Variants in EML6 observed in about 807,000 individuals in gnomAD.
EML6 encodes the protein EMAP like 6, also known as echinoderm microtubule-associated protein-like 6.
Under a neutral mutation model 240.1 loss-of-function variants are expected in EML6, and 154 were observed. That is an observed-to-expected ratio of 0.64 (90% CI 0.56 to 0.73). The LOEUF (loss-of-function observed/expected upper bound fraction) is 0.73. Ranked by LOEUF, EML6 falls within the 30% of genes least tolerant of loss-of-function variation. The pLI, the probability that EML6 is intolerant of heterozygous loss-of-function variation, is 0.00. For missense variants in EML6, 2,964 were observed against 2,474.6 expected (o/e 1.20, Z -4.20); for synonymous variants, 1,148 against 899.0 (o/e 1.28, Z -4.95).
chr2:54,948,193 C>G (rs1018154811), intron 28 of EML6, among the ~76,000 whole-genome samples: 3 of 152,204 alleles, frequency 2.0e-5, no homozygotes, highest in African/African-American at 7.2e-5. Flanking sequence ...ATTATAAAAT[C>G]TCTTCATTAA....
At chr2:54,763,625 A>T (rs1223610213) in intron 2 of EML6, among the ~76,000 whole-genome samples, 4 of 152,214 alleles carry the variant, frequency 2.6e-5, no homozygotes, top group Non-Finnish European at 5.9e-5. Context: ...TAGAGATATT[A>T]CTGTCTGTTC....
intron 26 of EML6, among the ~76,000 whole-genome samples, chr2:54,920,938 G>A (rs897116725): frequency 6.6e-6 from 1 of 151,960 alleles, no homozygotes; most frequent in Admixed American, 6.6e-5. Flanking sequence ...TGTGAGAAAA[G>A]GATGGACAAA....
intron 15 of EML6, among the ~76,000 whole-genome samples, chr2:54,870,993 C>A (rs994603245): frequency 6.6e-6 from 1 of 152,136 alleles, no homozygotes; most frequent in Non-Finnish European, 1.5e-5. Context: ...AAGCTTGTAT[C>A]CCTGCAAAGA....
chr2:54,867,177 C>G (rs1671016971), intron 14 of EML6: 1 of 216,924 alleles, frequency 4.6e-6, no homozygotes, highest in South Asian at 1.5e-4. Context: ...GCACTTCTTT[C>G]TCATCACCAT....
chr2:54,813,116 ACTCTTT>A lies in EML6; in HGVS notation c.198-110_198-105del, dbSNP rs1667931693. On this transcript the variant is annotated intron_variant, in intron 2 of 41. Transcript: ENST00000356458. Reference sequence around the variant, plus strand: ...ATTAATTACTTTGGGGACAGTTCAGACTCTTTCTCTTGAGATCACCTTGTTAGATAA... The same window carrying A: ...ATTAATTACTTTGGGGACAGTTCAGACTCTTGAGATCACCTTGTTAGATAA... The A allele has an allele frequency of 5.4e-6, 4 of 734,462 alleles. No homozygotes were observed. The South Asian group carries it at 5.9e-5, about 11-fold the overall frequency. 45.5% of individuals were successfully genotyped at this position (734,462 alleles called of 1,614,324 possible). A position where few individuals can be genotyped will look rare whatever the true frequency, so the allele number is the denominator to read the frequency against.
At position 54,910,983 on chromosome 2, in the gene EML6, A is replaced by G. The variant is rs1222769519; in HGVS notation, c.3439A>G (p.Arg1147Gly). ...ATTATTGCAAGTGAATTCAGGTGCC[A>G]GAGAACAACTTTTTTTTGAAGCTCC... The part of the protein sequence containing the change: ...GKLLQVNSGA[R>G]EQLFFEAPRG... The change falls in exon 25 of 42, where the codon AGA becomes GGA. Residue 1147 changes from arginine to glycine, a missense_variant. Physicochemically the swap from Arg to Gly is moderately radical, Grantham distance 125 (BLOSUM62 -2). Transcript: ENST00000356458. 4 of 1,538,034 alleles carry G rather than the reference A, an allele frequency of 2.6e-6. No homozygotes were observed. The highest frequency in any genetic ancestry group is 3.5e-6 in the Non-Finnish European group (4 of 1,137,204).
At position 54,960,320 on chromosome 2, in the gene EML6, G is replaced by C. The variant is rs1195694048; in HGVS notation, c.4954G>C (p.Val1652Leu). 2.6e-6 allele frequency: 4 copies of C among 1,549,558 alleles called. No homozygotes were observed. The highest frequency in any genetic ancestry group is 1.7e-6 in the Non-Finnish European group (2 of 1,146,250). Reference sequence around the variant, plus strand: ...GCAGCTGGTGGAGTGTGTGCGCTCCGTGTGCCGTGGAAAAGTGAGCACAGC... The same window carrying C: ...GCAGCTGGTGGAGTGTGTGCGCTCCCTGTGCCGTGGAAAAGTGAGCACAGC... ...TGQLVECVRSVCRGKGKILVG... is the reference protein window; with the variant it reads ...TGQLVECVRSLCRGKGKILVG... Residue 1652 changes from valine (V) to leucine (L), a missense_variant, in exon 35 of 42, where the codon GTG becomes CTG. By Grantham distance (32) the Val-to-Leu change is conservative. Transcript: ENST00000356458.
intron 36 of EML6, among the ~76,000 whole-genome samples, chr2:54,963,423 C>G (rs1344791010): frequency 2.6e-5 from 4 of 152,228 alleles, no homozygotes; most frequent in Non-Finnish European, 5.9e-5. Flanking sequence ...TCAGTGCCTA[C>G]AATAACCTTG....
At chr2:54,836,826 G>A (rs1669175504) in intron 7 of EML6, among the ~76,000 whole-genome samples, 1 of 152,192 alleles carries the variant, frequency 6.6e-6, no homozygotes, top group Non-Finnish European at 1.5e-5. Flanking sequence ...AATCATTGGT[G>A]TTTATGAATC....
At chr2:54,923,834 A>T (rs529270307) in intron 26 of EML6, among the ~76,000 whole-genome samples, 1 of 152,128 alleles carries the variant, frequency 6.6e-6, no homozygotes, top group African/African-American at 2.4e-5. Context: ...AACTGTTCCA[A>T]TGTTTTTCAC....
intron 3 of EML6, among the ~76,000 whole-genome samples, chr2:54,816,300 T>A (rs1439215699): frequency 6.6e-6 from 1 of 152,238 alleles, no homozygotes; most frequent in Non-Finnish European, 1.5e-5. Context: ...TATATTATCT[T>A]GTAGTCACCT....
chr2:54,952,036 A>G (rs1283507189), intron 30 of EML6, among the ~76,000 whole-genome samples: 3 of 152,186 alleles, frequency 2.0e-5, no homozygotes, highest in South Asian at 4.1e-4. Context: ...TTCCTGTGAC[A>G]TATGTCGAGT....
chr2:54,831,975 A>G (rs1015917184), intron 7 of EML6, among the ~76,000 whole-genome samples: 1 of 152,184 alleles, frequency 6.6e-6, no homozygotes, highest in African/African-American at 2.4e-5. Flanking sequence ...GCTTTAAACT[A>G]ATATTTGTGA....
At chr2:54,748,594 C>T (rs1684021194) in intron 2 of EML6, among the ~76,000 whole-genome samples, 1 of 152,098 alleles carries the variant, frequency 6.6e-6, no homozygotes, top group African/African-American at 2.4e-5. Flanking sequence ...GGATTGCACT[C>T]TGTAGCCTAC....
intron 5 of EML6, among the ~76,000 whole-genome samples, chr2:54,821,242 T>G (rs541282845): frequency 7.9e-5 from 12 of 152,288 alleles, no homozygotes; most frequent in African/African-American, 2.9e-4. Flanking sequence ...CCCTCCTATT[T>G]TGCAGTTCTT....
At chr2:54,848,524 T>TATACACACACACACACACAC (rs1553395938) in intron 9 of EML6, among the ~76,000 whole-genome samples, 4 of 145,850 alleles carry the variant, frequency 2.7e-5, no homozygotes, top group East Asian at 2.0e-4. Flanking sequence ...GCTTCCACAC[T>TATACACACACACACACACAC]ACACACACAC....
intron 33 of EML6, among the ~76,000 whole-genome samples, 180 bp from the exon 34 acceptor site, chr2:54,958,924 G>C (rs1198383970): frequency 6.6e-6 from 1 of 152,168 alleles, no homozygotes; most frequent in African/African-American, 2.4e-5. Flanking sequence ...CCAGGTGACT[G>C]CCTTGTGATG....
At chr2:54,928,187 TA>T in intron 26 of EML6, 125 bp from the exon 27 acceptor site, 1 of 764,934 alleles carries the variant, frequency 1.3e-6, no homozygotes. Context: ...GCTTACATTC[TA>T]GTTGAAATGT....
At position 54,725,198 on chromosome 2, in the gene EML6, T is replaced by C. The variant is rs1410904382; in HGVS notation, c.137T>C (p.Val46Ala). Residue 46 changes from valine to alanine, a missense_variant, in exon 2 of 42, where the codon GTT (valine) becomes GCT (alanine). Physicochemically the swap from Val to Ala is moderately conservative, Grantham distance 64. Transcript: ENST00000356458. The surrounding 1 kb of genome is among the most constrained non-coding windows in gnomAD (Gnocchi z 4.3). ...TACTTTGTGGCTGGGGTCGGGGTGG[T>C]TTACAACACCCGCGAGCACAGCCAA... ...VVYFVAGVGVVYNTREHSQKF... is the reference protein window; with the variant it reads ...VVYFVAGVGVAYNTREHSQKF... 6.6e-7 allele frequency: 1 copy of C among 1,517,648 alleles called. No individual in the cohort carries two copies. The highest frequency in any genetic ancestry group is 1.2e-5 in the South Asian group (1 of 81,354). 94.0% of individuals were successfully genotyped at this position (1,517,648 alleles called of 1,614,324 possible).
Sources: gnomAD v4.1 joint callset for allele counts (sites outside exome capture counted in the v4.1 genomes callset) on GRCh38, gnomAD v4.1.1 for gene constraint, Gnocchi (gnomAD v3.1) non-coding constraint, MANE v1.5 for transcripts, NCBI Gene and HGNC (gene_info 2026-07-23, HGNC 2026-07-21) for gene names.